The following PTPRO variants were observed in gnomAD, a reference collection of about 807,000 sequenced individuals.
PTPRO encodes receptor-type tyrosine-protein phosphatase O.
PTPRO carries 62 observed loss-of-function variants against 145.2 expected under a neutral mutation model. The ratio of observed to expected loss-of-function variants is 0.43; its 90% CI spans 0.35 to 0.53. The LOEUF is 0.53. Among genes scored for constraint, PTPRO ranks in the 20% least tolerant of loss-of-function variants. The probability of loss-of-function intolerance (pLI) is 0.01; values close to 1 mark genes in which losing one functional copy is unlikely to be tolerated. For missense variants in PTPRO, 1,345 were observed against 1,482.7 expected (o/e 0.91, Z 1.53); for synonymous variants, 565 against 514.7 (o/e 1.10, Z -1.32).
chr12:15,447,345 C>A (rs1044288328), intron 1 of PTPRO, among the ~76,000 whole-genome samples: 2 of 152,096 alleles, frequency 1.3e-5, no homozygotes, highest in Non-Finnish European at 2.9e-5. Flanking sequence ...GTTCTTATTG[C>A]TCAATTCCAG....
At chr12:15,549,617 A>G (rs955246786) in intron 14 of PTPRO, among the ~76,000 whole-genome samples, 3 of 152,236 alleles carry the variant, frequency 2.0e-5, no homozygotes, top group African/African-American at 7.2e-5. Flanking sequence ...AGAGAATGAC[A>G]TAATTGATAA....
chr12:15,526,677 G>A (rs1449692071), intron 12 of PTPRO, among the ~76,000 whole-genome samples: 4 of 151,804 alleles, frequency 2.6e-5, no homozygotes, highest in Non-Finnish European at 5.9e-5. Flanking sequence ...ATTTTATATA[G>A]TTTCCCAACT....
intron 1 of PTPRO, among the ~76,000 whole-genome samples, chr12:15,411,171 A>G (rs1293743661): frequency 6.6e-6 from 1 of 152,344 alleles, no homozygotes; most frequent in Non-Finnish European, 1.5e-5. Context: ...TTTAACATGT[A>G]TCTTTACTTC....
At chr12:15,468,281 T>G (rs1272343325) in intron 1 of PTPRO, among the ~76,000 whole-genome samples, 3 of 152,202 alleles carry the variant, frequency 2.0e-5, no homozygotes, top group Non-Finnish European at 4.4e-5. Context: ...TTGCTTCTAT[T>G]ACAGAAGGTA....
At chr12:15,485,275 T>G (rs1941861758) in intron 2 of PTPRO, among the ~76,000 whole-genome samples, 1 of 152,228 alleles carries the variant, frequency 6.6e-6, no homozygotes, top group South Asian at 2.1e-4. Flanking sequence ...AAATTAGGAA[T>G]GGCATAGACC....
intron 6 of PTPRO, among the ~76,000 whole-genome samples, chr12:15,504,716 C>T (rs1942287692): frequency 6.6e-6 from 1 of 152,150 alleles, no homozygotes; most frequent in East Asian, 1.9e-4. Context: ...AGTAACCTAC[C>T]CTATCAGGAG....
chr12:15,522,243 CCTT>C (rs1380347346), intron 10 of PTPRO, among the ~76,000 whole-genome samples: 21 of 137,606 alleles, frequency 1.5e-4, no homozygotes, highest in Admixed American at 6.0e-4. Flanking sequence ...TTTATTTTAA[CCTT>C]CTTTTTTTTT....
chr12:15,561,639 G>A (rs979483555), intron 17 of PTPRO, among the ~76,000 whole-genome samples: 1 of 152,044 alleles, frequency 6.6e-6, no homozygotes, highest in African/African-American at 2.4e-5. Context: ...ACATCAAATA[G>A]TTTTCAGGTA....
intron 1 of PTPRO, among the ~76,000 whole-genome samples, chr12:15,459,405 G>T (rs1040503763): frequency 6.6e-6 from 1 of 152,210 alleles, no homozygotes. Flanking sequence ...AAATCAGAAT[G>T]TTGAACACAT....
At chr12:15,474,116 C>T (rs1941603198) in intron 1 of PTPRO, among the ~76,000 whole-genome samples, 1 of 152,100 alleles carries the variant, frequency 6.6e-6, no homozygotes. Flanking sequence ...CTAAGGATTG[C>T]TGTGAGGAGT....
chr12:15,327,493 C>T (rs563880414), intron 1 of PTPRO, among the ~76,000 whole-genome samples: 1 of 152,204 alleles, frequency 6.6e-6, no homozygotes, highest in South Asian at 2.1e-4. Flanking sequence ...AGTAGAAATC[C>T]TCCTAATGTT....
At chr12:15,564,068 T>C (rs1943840547) in intron 17 of PTPRO, among the ~76,000 whole-genome samples, 1 of 152,192 alleles carries the variant, frequency 6.6e-6, no homozygotes, top group South Asian at 2.1e-4. Flanking sequence ...TGATAGTGTT[T>C]TTTGAGGGGA....
At chr12:15,399,573 G>A (rs1383950894) in intron 1 of PTPRO, among the ~76,000 whole-genome samples, 1 of 152,036 alleles carries the variant, frequency 6.6e-6, no homozygotes, top group Non-Finnish European at 1.5e-5. Flanking sequence ...ATTTACTACT[G>A]CACCTACAGT....
intron 1 of PTPRO, among the ~76,000 whole-genome samples, chr12:15,407,364 C>T (rs1939676486): frequency 6.6e-6 from 1 of 152,258 alleles, no homozygotes; most frequent in Non-Finnish European, 1.5e-5. Flanking sequence ...TCCCCCCACC[C>T]CCAATTCATT....
intron 1 of PTPRO, among the ~76,000 whole-genome samples, chr12:15,452,257 A>G (rs1941066073): frequency 6.6e-6 from 1 of 152,212 alleles, no homozygotes; most frequent in Non-Finnish European, 1.5e-5. Flanking sequence ...AGATGGATAA[A>G]TTCCTGGAAA....
chr12:15,415,424 G>C (rs563116114), intron 1 of PTPRO, among the ~76,000 whole-genome samples: 1 of 146,730 alleles, frequency 6.8e-6, no homozygotes, highest in African/African-American at 2.5e-5. Flanking sequence ...TCGCTCTGTC[G>C]CCCAGGCTGG....
Position 15,386,057 on chromosome 12 carries a change from G to C in PTPRO, c.75+63256G>C, listed in dbSNP as rs540217816. ...CAAAGCTGCAGAGAATATTTTGTTT[G>C]TGATGAATCTAGATCTTTCTAGCAC... is the stretch of plus-strand genomic sequence containing the variant. On this transcript the variant is annotated intron_variant, in intron 1 of 26. Coordinates refer to ENST00000281171, the MANE Select transcript of PTPRO (RefSeq NM_030667.3). Among the ~76,000 whole-genome samples, 11 of 152,154 alleles carry C rather than the reference G, an allele frequency of 7.2e-5. No individual in the cohort carries two copies. The East Asian group carries it at 2.1e-3, about 29-fold the overall frequency.
intron 1 of PTPRO, among the ~76,000 whole-genome samples, chr12:15,387,091 A>G (rs907889234): frequency 6.6e-6 from 1 of 152,188 alleles, no homozygotes; most frequent in African/African-American, 2.4e-5. Flanking sequence ...TTCAGAATTA[A>G]AATAACATGA....
At chr12:15,439,795 A>C (rs1824706315) in intron 1 of PTPRO, 3 of 611,446 alleles carry the variant, frequency 4.9e-6, no homozygotes, top group South Asian at 1.5e-5. Context: ...TCAAAGAATC[A>C]GATATCATTG....
Sources: allele counts gnomAD v4.1 joint callset (sites outside exome capture counted in the v4.1 genomes callset), GRCh38; gene constraint gnomAD v4.1.1; transcripts MANE v1.5; gene names NCBI Gene and HGNC (gene_info 2026-07-23, HGNC 2026-07-21).